SAMD5: variants seen among roughly 807,000 people sequenced by gnomAD.
SAMD5 encodes sterile alpha motif domain containing 5, also known as sterile alpha motif domain-containing protein 5.
SAMD5 carries 13 observed loss-of-function variants against 11.3 expected under a neutral mutation model. The ratio of observed to expected loss-of-function variants is 1.15; its 90% CI spans 0.75 to 1.83. The LOEUF (loss-of-function observed/expected upper bound fraction) is 1.83. Ranked by LOEUF, SAMD5 falls within the 40% of genes most tolerant of loss-of-function variation. The pLI, the probability that SAMD5 is intolerant of heterozygous loss-of-function variation, is 0.00. For synonymous variants in SAMD5, 129 were observed against 111.3 expected, an observed-to-expected ratio of 1.16 and a Z score of -1.00; for missense variants, 255 against 239.1, an observed-to-expected ratio of 1.07 and a Z score of -0.44.
the SAMD5 span, among the ~76,000 whole-genome samples, chr6:147,794,799 A>G: frequency 6.6e-6 from 1 of 152,040 alleles, no homozygotes; most frequent in Non-Finnish European, 1.5e-5. Flanking sequence ...GCCTGCAAAG[A>G]CTTACCCTTT....
rs781040960 is a variant in SAMD5 at position 147,509,340 on chromosome 6, C to T, written c.412C>T (p.Leu138Phe). The change falls in exon 1 of 2, where the codon CTC becomes TTC. Residue 138 changes from leucine (L) to phenylalanine (F), a missense_variant. Physicochemically the swap from Leu to Phe is conservative, Grantham distance 22. Coordinates refer to ENST00000367474, the MANE Select transcript of SAMD5 (RefSeq NM_001030060.3). ...LKLKIMIRDK[L>F]VRDGIHLSKP... is the part of the protein sequence containing the mutation. ...GCTGAAGATCATGATCAGGGATAAG[C>T]TCGTCCGTGACGGCATCCACCTGAG... The T allele has an allele frequency of 6.3e-7, 1 of 1,581,504 alleles. No individual in the cohort carries two copies. Among genetic ancestry groups the T allele is most frequent in the African/African-American group, 1.4e-5 (1 of 73,036 alleles).
chr6:147,567,661 T>C lies in SAMD5; in HGVS notation c.*3205T>C. On this transcript the variant is annotated 3_prime_UTR_variant, in exon 2 of 2. Coordinates refer to ENST00000367474, the MANE Select transcript of SAMD5 (RefSeq NM_001030060.3). ...GACTGCCTCTCTCCCTTCCCTTCTTTACTCTCAGTTGTCTTATTTCTTCTT... is the reference window on the plus strand; with the variant it reads ...GACTGCCTCTCTCCCTTCCCTTCTTCACTCTCAGTTGTCTTATTTCTTCTT... The C allele has an allele frequency of 6.1e-6, 6 of 985,424 alleles. No homozygotes were observed. The highest frequency in any genetic ancestry group is 7.2e-6 in the Non-Finnish European group (6 of 829,910). 61.0% of individuals were successfully genotyped at this position (985,424 alleles called of 1,614,324 possible).
the SAMD5 span, among the ~76,000 whole-genome samples, chr6:147,897,734 C>T: frequency 1.3e-5 from 2 of 151,858 alleles, no homozygotes; most frequent in Non-Finnish European, 2.9e-5. Flanking sequence ...CACTTGAGGT[C>T]GGGGGTTTGA....
chr6:147,591,532 T>C (rs948047065), intron 1 of SAMD5, among the ~76,000 whole-genome samples: 1 of 152,174 alleles, frequency 6.6e-6, no homozygotes, highest in Non-Finnish European at 1.5e-5. Context: ...CTTGACCTGC[T>C]GGAATATGTG....
Position 147,663,915 on chromosome 6 carries a change from T to C in SAMD5, c.163-73402T>C, listed in dbSNP as rs1790681937. 1.3e-5 allele frequency among the ~76,000 whole-genome samples: 2 copies of C among 151,840 alleles called. 1 individual carries two copies. Among genetic ancestry groups the C allele is most frequent in the South Asian group, 4.1e-4 (2 of 4,828 alleles). On this transcript the variant is annotated intron_variant, in intron 1 of 1. Transcript: ENST00000566741. ...TTTTTACATGTAAATTTTTTTTTTTTTTTTTAGAAATCTGCTTTTTAGTCT... is the reference window on the plus strand; with the variant it reads ...TTTTTACATGTAAATTTTTTTTTTTCTTTTTAGAAATCTGCTTTTTAGTCT...
At chr6:147,528,742 G>T (rs148160415) in intron 1 of SAMD5, among the ~76,000 whole-genome samples, 1 of 152,214 alleles carries the variant, frequency 6.6e-6, no homozygotes, top group Non-Finnish European at 1.5e-5. Flanking sequence ...TGGTTGCCTA[G>T]TGAAAGTGGT....
At chr6:147,815,322 T>C in the SAMD5 span, among the ~76,000 whole-genome samples, 27 of 152,222 alleles carry the variant, frequency 1.8e-4, no homozygotes, top group Non-Finnish European at 2.8e-4. Context: ...TGCCAGGCGA[T>C]GTGCTGGACA....
At chr6:147,873,086 G>T in the SAMD5 span, among the ~76,000 whole-genome samples, 1 of 152,118 alleles carries the variant, frequency 6.6e-6, no homozygotes, top group Non-Finnish European at 1.5e-5. Context: ...TATATTAAAA[G>T]TGTAATTTAA....
the SAMD5 span, among the ~76,000 whole-genome samples, chr6:147,773,304 G>A: frequency 1.3e-5 from 2 of 152,188 alleles, no homozygotes; most frequent in African/African-American, 4.8e-5. Context: ...GAAGAACTAG[G>A]TTTGAGAACC....
chr6:147,595,124 A>G (rs1414177534), intron 1 of SAMD5, among the ~76,000 whole-genome samples: 2 of 152,244 alleles, frequency 1.3e-5, no homozygotes, highest in African/African-American at 4.8e-5. Context: ...ACACTACAAA[A>G]TATAACGTCT....
chr6:147,699,432 T>C (rs1028211924), intron 1 of SAMD5, among the ~76,000 whole-genome samples: 2 of 152,204 alleles, frequency 1.3e-5, no homozygotes, highest in Non-Finnish European at 2.9e-5. Context: ...TACAAGTTGT[T>C]TAAGAATTCT....
At chr6:147,645,201 G>C (rs1426212784) in intron 1 of SAMD5, among the ~76,000 whole-genome samples, 2 of 152,206 alleles carry the variant, frequency 1.3e-5, no homozygotes, top group Non-Finnish European at 2.9e-5. Flanking sequence ...GCCACTAGCA[G>C]TTGATGGCAT....
chr6:147,547,822 T>G (rs1176338705), intron 1 of SAMD5, among the ~76,000 whole-genome samples: 1 of 152,178 alleles, frequency 6.6e-6, no homozygotes. Flanking sequence ...CCAAGAAATA[T>G]AGCTTAGGAA....
intron 1 of SAMD5, among the ~76,000 whole-genome samples, chr6:147,633,359 G>A (rs768639642): frequency 1.3e-5 from 2 of 152,104 alleles, no homozygotes; most frequent in Non-Finnish European, 1.5e-5. Context: ...TGACCCGAGG[G>A]CTCTTTTGGG....
At chr6:147,545,807 T>C (rs896334054) in intron 1 of SAMD5, among the ~76,000 whole-genome samples, 2 of 152,222 alleles carry the variant, frequency 1.3e-5, no homozygotes, top group Non-Finnish European at 2.9e-5. Flanking sequence ...CTTTATATTT[T>C]ATGTAAGACA....
At chr6:147,688,412 A>G (rs997372514) in intron 1 of SAMD5, among the ~76,000 whole-genome samples, 39 of 152,336 alleles carry the variant, frequency 2.6e-4, no homozygotes, top group African/African-American at 8.9e-4. Context: ...TATCCAAAAT[A>G]GGCATACTTT....
chr6:147,631,243 G>A (rs1205014262), intron 1 of SAMD5, among the ~76,000 whole-genome samples: 2 of 152,114 alleles, frequency 1.3e-5, no homozygotes, highest in African/African-American at 2.4e-5. Flanking sequence ...GAAACTAAAC[G>A]GAAGACACAA....
chr6:147,916,496 G>A, the SAMD5 span, among the ~76,000 whole-genome samples: 4 of 151,940 alleles, frequency 2.6e-5, no homozygotes, highest in Non-Finnish European at 5.9e-5. Flanking sequence ...CATTTCTCTG[G>A]TGGCCAGTGA....
At chr6:147,830,785 G>T in the SAMD5 span, among the ~76,000 whole-genome samples, 4 of 152,146 alleles carry the variant, frequency 2.6e-5, no homozygotes, top group Admixed American at 1.3e-4. Context: ...CTTCACTAAT[G>T]CAGGATTTTC....
Sources: gnomAD v4.1 joint callset for allele counts (sites outside exome capture counted in the v4.1 genomes callset) on GRCh38, gnomAD v4.1.1 for gene constraint, MANE v1.5 for transcripts, NCBI Gene and HGNC (gene_info 2026-07-23, HGNC 2026-07-21) for gene names.